Variants in UBE2K observed in about 807,000 individuals in gnomAD.
UBE2K encodes ubiquitin-conjugating enzyme E2 K.
UBE2K carries 6 observed loss-of-function variants against 30.0 expected under a neutral mutation model. The ratio of observed to expected loss-of-function variants is 0.20; its 90% CI spans 0.11 to 0.39. The LOEUF (loss-of-function observed/expected upper bound fraction) is 0.39. UBE2K is among the 10% of genes least tolerant of loss of function. The probability of loss-of-function intolerance (pLI) is 1.00; values close to 1 mark genes in which losing one functional copy is unlikely to be tolerated. For synonymous variants in UBE2K, 86 were observed against 83.7 expected, an observed-to-expected ratio of 1.03 and a Z score of -0.15; for missense variants, 61 against 241.6, an observed-to-expected ratio of 0.25 and a Z score of 4.96.
chr4:39,781,611 A>G lies in UBE2K; in HGVS notation c.*3177A>G, dbSNP rs1336298296. On this transcript the variant is annotated 3_prime_UTR_variant, in exon 7 of 7. Transcript: ENST00000261427. ...ACAATCCTATGTAGCAAAATAGGAA[A>G]TTATGAATTTTTGTTGTTATTGTTT... is the stretch of plus-strand genomic sequence containing the variant. 8.2e-6 allele frequency: 2 copies of G among 245,232 alleles called. No homozygotes were observed. The highest frequency in any genetic ancestry group is 4.4e-5 in the African/African-American group (2 of 45,140). 15.2% of individuals were successfully genotyped at this position (245,232 alleles called of 1,614,324 possible). A position where few individuals can be genotyped will look rare whatever the true frequency, so the allele number is the denominator to read the frequency against.
At chr4:39,713,639 C>G (rs1016088079) in intron 1 of UBE2K, among the ~76,000 whole-genome samples, 1 of 151,728 alleles carries the variant, frequency 6.6e-6, no homozygotes, top group Non-Finnish European at 1.5e-5. Context: ...CATTGTGTAG[C>G]TATCACCACC....
intron 1 of UBE2K, among the ~76,000 whole-genome samples, chr4:39,703,414 C>T (rs1466433752): frequency 1.3e-5 from 2 of 151,898 alleles, no homozygotes; most frequent in African/African-American, 4.8e-5. Context: ...CTCGGGAGGC[C>T]GAGGCTGGAG....
At chr4:39,777,070 G>C (rs188775707) in intron 5 of UBE2K, among the ~76,000 whole-genome samples, 11 of 152,286 alleles carry the variant, frequency 7.2e-5, no homozygotes, top group African/African-American at 2.6e-4. Context: ...AGTAATGGTG[G>C]TTCCAAAGTA....
At chr4:39,704,350 A>G (rs1718208745) in intron 1 of UBE2K, among the ~76,000 whole-genome samples, 1 of 152,056 alleles carries the variant, frequency 6.6e-6, no homozygotes, top group Admixed American at 6.6e-5. Context: ...TTTATGTAAT[A>G]TTTAAATAGT....
chr4:39,760,793 A>G (rs940077186), intron 4 of UBE2K, among the ~76,000 whole-genome samples: 1 of 151,878 alleles, frequency 6.6e-6, no homozygotes, highest in African/African-American at 2.4e-5. Context: ...ATTAAAATTA[A>G]AAAAAATTAA....
intron 4 of UBE2K, chr4:39,760,922 A>T (rs1310735318): frequency 6.6e-6 from 1 of 152,194 alleles, no homozygotes; most frequent in Non-Finnish European, 1.5e-5. Context: ...GGTTACATGG[A>T]TATATACAGA....
chr4:39,779,292 A>C lies in UBE2K; in HGVS notation c.*858A>C, dbSNP rs550978007. 2 of 152,326 alleles carry C rather than the reference A, an allele frequency of 1.3e-5. No homozygotes were observed. The highest frequency in any genetic ancestry group is 2.4e-5 in the African/African-American group (1 of 41,566). The allele number at this position is 152,326 out of a possible 1,614,324, so 9.4% of individuals were successfully genotyped here. ...TGATGTTACATTATTCCCAGGTTTAATGAAAGAACCCAACTTAGTTTTTCA... is the reference window on the plus strand; with the variant it reads ...TGATGTTACATTATTCCCAGGTTTACTGAAAGAACCCAACTTAGTTTTTCA... On this transcript the variant is annotated 3_prime_UTR_variant, in exon 7 of 7. Transcript: ENST00000261427.
chr4:39,773,714 G>A (rs1467903048), intron 4 of UBE2K, among the ~76,000 whole-genome samples: 1 of 151,866 alleles, frequency 6.6e-6, no homozygotes, highest in Non-Finnish European at 1.5e-5. Context: ...GAGGTCAGGA[G>A]ATCGAGACCA....
intron 1 of UBE2K, among the ~76,000 whole-genome samples, chr4:39,716,832 T>C (rs2109320905): frequency 6.6e-6 from 1 of 152,142 alleles, no homozygotes; most frequent in South Asian, 2.1e-4. Flanking sequence ...ACCCTGTCTC[T>C]ACTAAAATAC....
chr4:39,715,154 T>G (rs1718981852), intron 1 of UBE2K, among the ~76,000 whole-genome samples: 1 of 151,008 alleles, frequency 6.6e-6, no homozygotes, highest in Admixed American at 6.6e-5. Flanking sequence ...GCCTCCCGAG[T>G]AGCTGGGACT....
intron 1 of UBE2K, among the ~76,000 whole-genome samples, chr4:39,712,195 C>CTTTTTT (rs34711359): frequency 1.0e-4 from 6 of 58,310 alleles, no homozygotes; most frequent in Admixed American, 3.0e-4. Context: ...CACCGACAAC[C>CTTTTTT]TTTTTTTTTT....
At chr4:39,711,231 C>T (rs1319117713) in intron 1 of UBE2K, among the ~76,000 whole-genome samples, 2 of 139,924 alleles carry the variant, frequency 1.4e-5, no homozygotes, top group African/African-American at 5.5e-5. Context: ...GGTGTGATCT[C>T]GGCTCACTGC....
intron 4 of UBE2K, among the ~76,000 whole-genome samples, chr4:39,767,290 T>C (rs1484693283): frequency 2.2e-5 from 3 of 137,300 alleles, no homozygotes; most frequent in African/African-American, 9.3e-5. Flanking sequence ...ATCAGTTTTC[T>C]TTTTTTCTGT....
At chr4:39,724,661 TG>T (rs545398362) in intron 1 of UBE2K, among the ~76,000 whole-genome samples, 75 of 146,940 alleles carry the variant, frequency 5.1e-4, no homozygotes, top group African/African-American at 1.6e-3. Context: ...CCCAGCTACT[TG>T]GGGGGGCTGA....
In UBE2K at chr4:39,759,573, T is replaced by C. The variant is rs1320115622; in HGVS notation, c.299+3834T>C. ...TGCTGCAATGACAGGCGTGAGCCAC[T>C]GTGCCCGGCCCCTGGTTTATTTCTT... On this transcript the variant is annotated intron_variant, in intron 4 of 6. Coordinates refer to ENST00000261427, the MANE Select transcript of UBE2K (RefSeq NM_005339.5). Among the ~76,000 whole-genome samples the C allele has an allele frequency of 5.3e-5, 8 of 152,210 alleles. No individual in the cohort carries two copies. The South Asian group carries it at 6.2e-4, about 12-fold the overall frequency.
intron 3 of UBE2K, among the ~76,000 whole-genome samples, chr4:39,748,552 G>A (rs1721095167): frequency 6.6e-6 from 1 of 152,018 alleles, no homozygotes; most frequent in African/African-American, 2.4e-5. Flanking sequence ...AGTCAAGGCA[G>A]GAGAAGCGTT....
At chr4:39,737,292 C>G (rs561942340) in intron 1 of UBE2K, 128 bp from the exon 2 acceptor site, 4 of 486,826 alleles carry the variant, frequency 8.2e-6, no homozygotes, top group Non-Finnish European at 1.5e-5. Context: ...CTAGAAAAGC[C>G]GAGACTTATT....
intron 1 of UBE2K, among the ~76,000 whole-genome samples, chr4:39,730,833 A>T (rs1238408523): frequency 3.4e-5 from 4 of 118,864 alleles, no homozygotes; most frequent in African/African-American, 1.3e-4. Flanking sequence ...TTTTTTTGAG[A>T]CAGAGTCTCA....
chr4:39,762,834 G>A (rs463979), intron 4 of UBE2K, among the ~76,000 whole-genome samples: 125,409 of 151,952 alleles, frequency 0.83, 52,262 homozygotes, highest in African/African-American at 0.93. Flanking sequence ...GTGTTTCACT[G>A]TGTTGGCCAG....
Sources: allele counts gnomAD v4.1 joint callset (sites outside exome capture counted in the v4.1 genomes callset), GRCh38; gene constraint gnomAD v4.1.1; transcripts MANE v1.5; gene names NCBI Gene and HGNC (gene_info 2026-07-23, HGNC 2026-07-21).